Variants in SDR39U1 observed in about 807,000 individuals in gnomAD.
SDR39U1 encodes epimerase family protein SDR39U1.
A neutral mutation model predicts 31.7 loss-of-function variants in SDR39U1; 29 were observed. That is an observed-to-expected ratio of 0.92 (90% confidence interval 0.68 to 1.25). SDR39U1 has a LOEUF of 1.25. SDR39U1 is among the 50% of genes most tolerant of loss of function. The pLI is 0.00. For synonymous variants in SDR39U1, 147 were observed against 159.0 expected, an observed-to-expected ratio of 0.92 and a Z score of 0.57; for missense variants, 403 against 378.4, an observed-to-expected ratio of 1.06 and a Z score of -0.54.
chr14:24,441,337 T>G, intron 4 of SDR39U1: 1 of 448,960 alleles, frequency 2.2e-6, no homozygotes, highest in South Asian at 2.4e-5. Context: ...CATAAAACAC[T>G]TCAAATAGTG....
At position 24,442,391 on chromosome 14, in the gene SDR39U1, TTCGTGGCCTC is replaced by T; in HGVS notation, c.68_77del (p.Arg23LysfsTer2). 1.2e-6 allele frequency: 2 copies of T among 1,612,104 alleles called. No individual in the cohort carries two copies. The highest frequency in any genetic ancestry group is 1.7e-6 in the Non-Finnish European group (2 of 1,179,130). ...CGGGCTTTCGGGAGACCAACGTCAC[TTCGTGGCCTC>T]TGGCATTCAGCAGCTGGGTTAGGGC... is the stretch of plus-strand genomic sequence containing the variant. On this transcript the variant is annotated frameshift_variant, in exon 2 of 6. Transcript: ENST00000399395. LOFTEE classifies it high-confidence loss of function.
At chr14:24,440,683 TCTCA>T (rs1332229960) in intron 5 of SDR39U1, 96 bp downstream of exon 5, 1 of 1,476,826 alleles carries the variant, frequency 6.8e-7, no homozygotes, top group Admixed American at 1.9e-5. Context: ...GGTGGCATCC[TCTCA>T]CTCTGTAATT....
chr14:24,440,356 G>T lies in SDR39U1; in HGVS notation c.609C>A (p.Thr203=). The T allele has an allele frequency of 1.2e-6, 2 of 1,614,024 alleles. No individual in the cohort carries two copies. The highest frequency in any genetic ancestry group is 1.7e-6 in the Non-Finnish European group (2 of 1,179,894). Reference sequence around the variant, plus strand: ...GCACGTGGTTTGCTTCAAGGGCATGGGTCAGGATTCCTGCCAGGTCCCCGA... The same window carrying T: ...GCACGTGGTTTGCTTCAAGGGCATGTGTCAGGATTCCTGCCAGGTCCCCGA... ...IHIGDLAGIL[T]HALEANHVHG... Residue 203 remains threonine (T), a synonymous_variant, in exon 6 of 6, where the codon ACC becomes ACA. Coordinates refer to ENST00000399395, the MANE Select transcript of SDR39U1 (RefSeq NM_020195.3).
At chr14:24,440,539 G>T in intron 5 of SDR39U1, 47 bp from the exon 6 acceptor site, 1 of 1,552,938 alleles carries the variant, frequency 6.4e-7, no homozygotes, top group East Asian at 2.4e-5. Context: ...CAGCCTTGAA[G>T]GAGCCCACTG....
chr14:24,440,674 G>A, intron 5 of SDR39U1, 109 bp downstream of exon 5: 2 of 1,444,506 alleles, frequency 1.4e-6, no homozygotes, highest in Non-Finnish European at 1.9e-6. Context: ...GCTAGAAGTG[G>A]TGGCATCCTC....
chr14:24,440,381 A>G lies in SDR39U1; in HGVS notation c.584T>C (p.Ile195Thr), dbSNP rs767668074. 1 of 1,613,946 alleles carries G rather than the reference A, an allele frequency of 6.2e-7. No homozygotes were observed. The highest frequency in any genetic ancestry group is 8.5e-7 in the Non-Finnish European group (1 of 1,179,856). ...GGTCAGGATTCCTGCCAGGTCCCCGATGTGTATCCAGGGGAAGAATTGGTG... is the reference window on the plus strand; with the variant it reads ...GGTCAGGATTCCTGCCAGGTCCCCGGTGTGTATCCAGGGGAAGAATTGGTG... ...SGHQFFPWIHIGDLAGILTHA... is the reference protein window; with the variant it reads ...SGHQFFPWIHTGDLAGILTHA... The change falls in exon 6 of 6, where the codon ATC becomes ACC. Residue 195 changes from isoleucine (I) to threonine (T), a missense_variant. Transcript: ENST00000399395.
chr14:24,441,800 A>G lies in SDR39U1; in HGVS notation c.207-5T>C. The G allele has an allele frequency of 3.1e-6, 5 of 1,605,306 alleles. No individual in the cohort carries two copies. In the East Asian group the frequency reaches 1.1e-4, roughly 36 times the overall value. On this transcript the variant is annotated splice_region_variant and splice_polypyrimidine_tract_variant and intron_variant, in intron 3 of 5. Coordinates refer to ENST00000399395, the MANE Select transcript of SDR39U1 (RefSeq NM_020195.3). ...TTTTGGAAGGTTTCATTCCATCTGC[A>G]GGAGAAACATGGGAAATAAAAAGCC...
intron 4 of SDR39U1, 164 bp from the exon 5 acceptor site, chr14:24,441,090 C>T (rs754074089): frequency 3.9e-5 from 29 of 751,430 alleles, no homozygotes; most frequent in South Asian, 2.0e-4. Flanking sequence ...TGACCTGAAG[C>T]GTTCCTTCCC....
rs567075113 is a variant in SDR39U1, at chr14:24,442,667, C to A, written c.16+87G>T. 121 of 1,549,714 alleles carry A rather than the reference C, an allele frequency of 7.8e-5. No individual in the cohort carries two copies. The Admixed American group carries it at 2.0e-3, about 25-fold the overall frequency. On this transcript the variant is annotated intron_variant, in intron 1 of 5. Coordinates refer to ENST00000399395, the MANE Select transcript of SDR39U1 (RefSeq NM_020195.3). Reference sequence around the variant, plus strand: ...AGGCCAAGGCCAGGTTGCCTGTGCACTAGACAGTGCCCTCCCGGAAGCGGA... The same window carrying A: ...AGGCCAAGGCCAGGTTGCCTGTGCAATAGACAGTGCCCTCCCGGAAGCGGA...
At position 24,442,246 on chromosome 14, in the gene SDR39U1, T is replaced by C. The variant is rs11538255; in HGVS notation, c.138A>G (p.Ala46=). Reference sequence around the variant, plus strand: ...CGGCATCGCAGCTCGGCAGCCCCGATGCAGCGAGCTCATCCTGTCGGAGAA... The same window carrying C: ...CGGCATCGCAGCTCGGCAGCCCCGACGCAGCGAGCTCATCCTGTCGGAGAA... The part of the protein sequence containing the change: ...PGRITWDELA[A]SGLPSCDAAV... The change falls in exon 3 of 6, where the codon GCA becomes GCG. Residue 46 remains alanine (A), a synonymous_variant. Coordinates refer to ENST00000399395, the MANE Select transcript of SDR39U1 (RefSeq NM_020195.3). 0.033 allele frequency: 52,671 copies of C among 1,610,250 alleles called. 1,329 individuals are homozygous for C. Among genetic ancestry groups the C allele is most frequent in the East Asian group, 0.14 (6,099 of 44,662 alleles).
intron 5 of SDR39U1, 101 bp downstream of exon 5, chr14:24,440,682 C>T: frequency 1.4e-6 from 2 of 1,472,184 alleles, no homozygotes; most frequent in Non-Finnish European, 1.9e-6. Flanking sequence ...TGGTGGCATC[C>T]TCTCACTCTG....
At chr14:24,441,982 C>T (rs915041293) in intron 3 of SDR39U1, 187 bp from the exon 4 acceptor site, 2 of 1,370,332 alleles carry the variant, frequency 1.5e-6, no homozygotes, top group East Asian at 2.5e-5. Flanking sequence ...CTGAGTTATA[C>T]GTGAGGACTT....
rs779039573 is a variant in SDR39U1, at chr14:24,440,118, C to G, written c.847G>C (p.Glu283Gln). The change falls in exon 6 of 6, where the codon GAG (glutamate) becomes CAG (glutamine). Residue 283 changes from glutamate (E) to glutamine (Q), a missense_variant. By Grantham distance (29) the Glu-to-Gln change is conservative (BLOSUM62 2). Transcript: ENST00000399395. Reference sequence around the variant, plus strand: ...ATTTCCTTTAAGGCAGCCCCTAGCTCTGGGAAGGAATACTGGTAGCCAGTG... The same window carrying G: ...ATTTCCTTTAAGGCAGCCCCTAGCTGTGGGAAGGAATACTGGTAGCCAGTG... ...LATGYQYSFP[E>Q]LGAALKEIVA 2 of 1,610,214 alleles carry G rather than the reference C, an allele frequency of 1.2e-6. No individual in the cohort carries two copies. Among genetic ancestry groups the G allele is most frequent in the East Asian group, 4.5e-5 (2 of 44,764 alleles).
Position 24,440,189 on chromosome 14 carries a change from A to G in SDR39U1, c.776T>C (p.Ile259Thr). The change falls in exon 6 of 6, where the codon ATC (isoleucine) becomes ACC (threonine). Residue 259 changes from isoleucine to threonine, a missense_variant. Physicochemically the swap from Ile to Thr is moderately conservative, Grantham distance 89. Coordinates refer to ENST00000399395, the MANE Select transcript of SDR39U1 (RefSeq NM_020195.3). ...CACCTTCTGGCCCTCCAGCAGCATG[A>G]TGGCACGCTGTCGCCCAAAGACAGC... Reference protein sequence around the residue: ...VQAVFGRQRAIMLLEGQKVIP... With the variant: ...VQAVFGRQRATMLLEGQKVIP... 1.2e-6 allele frequency: 2 copies of G among 1,613,928 alleles called. No individual in the cohort carries two copies. The highest frequency in any genetic ancestry group is 4.5e-5 in the East Asian group (2 of 44,876).
At chr14:24,441,326 G>A (rs2043332227) in intron 4 of SDR39U1, 2 of 444,440 alleles carry the variant, frequency 4.5e-6, no homozygotes, top group Non-Finnish European at 4.0e-6. Context: ...ATGATAATAA[G>A]CATAAAACAC....
Position 24,441,940 on chromosome 14 carries a change from T to G in SDR39U1, c.207-145A>C, listed in dbSNP as rs550809764. 1,110 of 1,342,436 alleles carry G rather than the reference T, an allele frequency of 8.3e-4. 2 individuals carry two copies. The highest frequency in any genetic ancestry group is 1.0e-3 in the Non-Finnish European group (1,004 of 965,170). 83.2% of individuals were successfully genotyped at this position (1,342,436 alleles called of 1,614,324 possible). On this transcript the variant is annotated intron_variant, in intron 3 of 5. Transcript: ENST00000399395. ...TAAGAGAAACAGTCAACGTCTCCTG[T>G]AGAGGGAAAGGGCATTCATTTCCTG...
rs1273240352 is a variant in SDR39U1 at position 24,440,309 on chromosome 14, G to A, written c.656C>T (p.Ala219Val). ...CTCAGCATTAGTGGCGGAGGATGGAGCCACTCCATTCAGGACCCCGTGCAC... is the reference window on the plus strand; with the variant it reads ...CTCAGCATTAGTGGCGGAGGATGGAACCACTCCATTCAGGACCCCGTGCAC... ...NHVHGVLNGV[A>V]PSSATNAEFA... The change falls in exon 6 of 6, where the codon GCT (alanine) becomes GTT (valine). Residue 219 changes from alanine to valine, a missense_variant. Transcript: ENST00000399395. 2 of 1,614,030 alleles carry A rather than the reference G, an allele frequency of 1.2e-6. No individual in the cohort carries two copies. The highest frequency in any genetic ancestry group is 1.7e-6 in the Non-Finnish European group (2 of 1,179,894).
chr14:24,442,660 C>T (rs2043386785), intron 1 of SDR39U1, 94 bp downstream of exon 1: 2 of 1,504,922 alleles, frequency 1.3e-6, no homozygotes, highest in Non-Finnish European at 1.9e-6. Context: ...GCCAGGTTGC[C>T]TGTGCACTAG....
Position 24,441,662 on chromosome 14 carries a change from TG to T in SDR39U1, c.328+11del, listed in dbSNP as rs1490280065. The T allele has an allele frequency of 1.3e-6, 2 of 1,571,606 alleles. No homozygotes were observed. Among genetic ancestry groups the T allele is most frequent in the Non-Finnish European group, 8.6e-7 (1 of 1,164,770 alleles). On this transcript the variant is annotated intron_variant, in intron 4 of 5. Transcript: ENST00000399395. ...TGGCGAATATAAGGGGCTGGTGATT[TG>T]GGGGGCGTACCTACACCTGTGACTA...
Sources: gnomAD v4.1 joint callset for allele counts on GRCh38, gnomAD v4.1.1 for gene constraint, MANE v1.5 for transcripts, NCBI Gene and HGNC (gene_info 2026-07-23, HGNC 2026-07-21) for gene names.